The following CADPS2 variants were observed in gnomAD, a reference collection of about 807,000 sequenced individuals.
The protein encoded by CADPS2 is calcium dependent secretion activator 2.
Under a neutral mutation model 172.5 loss-of-function variants are expected in CADPS2, and 93 were observed. The observed-to-expected ratio is 0.54, with a 90% CI of 0.46 to 0.64. The LOEUF is 0.64. CADPS2 is among the 30% of genes least tolerant of loss of function. The pLI is 0.00. For synonymous variants in CADPS2, 546 were observed against 555.2 expected (o/e 0.98, Z 0.23); for missense variants, 1,420 against 1,565.9 (o/e 0.91, Z 1.57).
intron 2 of CADPS2, chr7:122,702,255 AGTGCAAAATTTCCATGCCTTTCAGGTTGC>A (rs753733297): frequency 5.0e-6 from 8 of 1,613,706 alleles, no homozygotes; most frequent in Non-Finnish European, 6.8e-6. Flanking sequence ...TTCTGAATCG[AGTGCAAAATTTCCATGCCTTTCAGGTTGC>A]TTATCATCAC....
At chr7:122,400,158 G>A (rs898354718) in intron 20 of CADPS2, among the ~76,000 whole-genome samples, 2 of 151,898 alleles carry the variant, frequency 1.3e-5, no homozygotes, top group South Asian at 2.1e-4. Context: ...AGAGCAGGCA[G>A]GGCGCAGTGG....
intron 5 of CADPS2, among the ~76,000 whole-genome samples, chr7:122,617,090 T>C (rs2075008894): frequency 1.3e-5 from 2 of 152,158 alleles, no homozygotes; most frequent in South Asian, 2.1e-4. Context: ...ATAACCCAAA[T>C]GCAAGAAAGG....
chr7:122,821,877 CTACAGGG>C (rs552342509), intron 1 of CADPS2, among the ~76,000 whole-genome samples: 273 of 152,246 alleles, frequency 1.8e-3, no homozygotes, highest in Middle Eastern at 3.4e-3. Flanking sequence ...CCTCGGAATG[CTACAGGG>C]TACAGCCCAT....
At chr7:122,828,281 T>C (rs117794979) in intron 1 of CADPS2, among the ~76,000 whole-genome samples, 1,854 of 152,302 alleles carry the variant, frequency 0.012, 20 homozygotes, top group Middle Eastern at 0.044. Context: ...AATTATTCTC[T>C]TCTACTTTCA....
At chr7:122,699,036 C>A in intron 2 of CADPS2, 1 of 698,804 alleles carries the variant, frequency 1.4e-6, no homozygotes, top group Non-Finnish European at 2.3e-6. Context: ...CACTGTCTTC[C>A]AGCATGTTTT....
At chr7:122,506,163 C>A (rs1473473208) in intron 9 of CADPS2, among the ~76,000 whole-genome samples, 3 of 151,722 alleles carry the variant, frequency 2.0e-5, no homozygotes, top group African/African-American at 7.3e-5. Flanking sequence ...ATTAGATAGA[C>A]AACAGGTGGT....
chr7:122,880,359 C>T (rs150846857), intron 1 of CADPS2, among the ~76,000 whole-genome samples: 1 of 152,168 alleles, frequency 6.6e-6, no homozygotes, highest in Admixed American at 6.5e-5. Flanking sequence ...ACCTAGACAC[C>T]TTTTATAAGT....
intron 7 of CADPS2, among the ~76,000 whole-genome samples, chr7:122,569,362 C>A (rs1312775604): frequency 6.6e-6 from 1 of 151,960 alleles, no homozygotes; most frequent in Non-Finnish European, 1.5e-5. Context: ...CTACAAACCA[C>A]TGCTCAAGGA....
intron 8 of CADPS2, among the ~76,000 whole-genome samples, chr7:122,541,316 C>A (rs1221716601): frequency 1.3e-5 from 2 of 150,076 alleles, no homozygotes; most frequent in African/African-American, 4.9e-5. Flanking sequence ...CCTGCCTCAG[C>A]CTCCCGAGTA....
intron 28 of CADPS2, among the ~76,000 whole-genome samples, chr7:122,340,855 TAAA>T (rs5887084): frequency 0.2 from 27,778 of 137,684 alleles, 3,054 homozygotes; most frequent in Non-Finnish European, 0.28. Context: ...CCTTATGTGT[TAAA>T]AAAAAAAAAA....
intron 1 of CADPS2, among the ~76,000 whole-genome samples, chr7:122,823,289 C>T (rs73718019): frequency 6.6e-6 from 1 of 152,086 alleles, no homozygotes; most frequent in Non-Finnish European, 1.5e-5. Context: ...GGGAAAAAAT[C>T]TTCCTTTTGC....
chr7:122,378,483 T>C (rs1427125222), intron 25 of CADPS2, among the ~76,000 whole-genome samples: 2 of 152,164 alleles, frequency 1.3e-5, no homozygotes, highest in African/African-American at 2.4e-5. Flanking sequence ...AAATTATTAA[T>C]GAGGATTAAC....
chr7:122,523,365 C>T (rs892224508), intron 8 of CADPS2, among the ~76,000 whole-genome samples: 4 of 152,180 alleles, frequency 2.6e-5, no homozygotes, highest in East Asian at 1.9e-4. Context: ...AATAACCCAA[C>T]TAAATCAAAC....
intron 17 of CADPS2, among the ~76,000 whole-genome samples, chr7:122,416,916 T>A (rs1295289807): frequency 6.6e-6 from 1 of 152,222 alleles, no homozygotes; most frequent in Non-Finnish European, 1.5e-5. Context: ...AAAGAAGCCC[T>A]GTGTAATGAA....
intron 2 of CADPS2, among the ~76,000 whole-genome samples, chr7:122,696,992 G>A (rs915369031): frequency 6.6e-6 from 1 of 152,018 alleles, no homozygotes; most frequent in Non-Finnish European, 1.5e-5. Flanking sequence ...AGAATAGTCT[G>A]GCATAGATTA....
chr7:122,528,444 A>G (rs1482794570), intron 8 of CADPS2, among the ~76,000 whole-genome samples: 1 of 152,152 alleles, frequency 6.6e-6, no homozygotes, highest in Non-Finnish European at 1.5e-5. Context: ...AGAAATTGCT[A>G]CTTATCAACC....
At position 122,663,536 on chromosome 7, in the gene CADPS2, C is replaced by T. The variant is rs747655125; in HGVS notation, c.487G>A (p.Val163Ile). Residue 163 changes from valine (V) to isoleucine (I), a missense_variant, in exon 3 of 30, where the codon GTA becomes ATA. By Grantham distance (29) the Val-to-Ile change is conservative (BLOSUM62 3). Transcript: ENST00000449022. ...TTAGCAGAACACCCTCCACTCTGTA[C>T]CATTCTGGCCACTCGGTCACTCTTT... The part of the protein sequence containing the change: ...FLKSDRVARM[V>I]QSGGCSANDF... The T allele has an allele frequency of 4.8e-5, 76 of 1,596,024 alleles. No individual in the cohort carries two copies. The highest frequency in any genetic ancestry group is 6.3e-5 in the Non-Finnish European group (74 of 1,169,872).
At chr7:122,533,933 G>C (rs959096164) in intron 8 of CADPS2, among the ~76,000 whole-genome samples, 3 of 152,120 alleles carry the variant, frequency 2.0e-5, no homozygotes, top group African/African-American at 4.8e-5. Flanking sequence ...GGGTGTATGA[G>C]AGAACGTCCA....
intron 25 of CADPS2, chr7:122,369,951 A>C (rs2041555126): frequency 6.6e-6 from 1 of 152,090 alleles, no homozygotes. Flanking sequence ...GTGACTTCCC[A>C]TTGCTCTTGG....
Sources: gnomAD v4.1 joint callset for allele counts (sites outside exome capture counted in the v4.1 genomes callset) on GRCh38, gnomAD v4.1.1 for gene constraint, MANE v1.5 for transcripts, NCBI Gene and HGNC (gene_info 2026-07-23, HGNC 2026-07-21) for gene names.